The following CFAP100 variants were observed in gnomAD, a reference collection of about 807,000 sequenced individuals.
CFAP100 encodes the protein cilia and flagella associated protein 100, also known as cilia- and flagella-associated protein 100.
CFAP100 carries 70 observed loss-of-function variants against 81.5 expected under a neutral mutation model. That is an observed-to-expected ratio of 0.86 (90% CI 0.71 to 1.05). CFAP100 has a LOEUF of 1.05. Among genes scored for constraint, CFAP100 ranks in the 50% least tolerant of loss-of-function variants. CFAP100 has a pLI of 0.00. For synonymous variants in CFAP100, 341 were observed against 314.8 expected, an observed-to-expected ratio of 1.08 and a Z score of -0.88; for missense variants, 811 against 776.5, an observed-to-expected ratio of 1.04 and a Z score of -0.53.
chr3:126,423,430 C>T, intron 12 of CFAP100, 54 bp downstream of exon 12: 1 of 1,606,568 alleles, frequency 6.2e-7, no homozygotes, highest in Non-Finnish European at 8.5e-7. Context: ...TCTTTCCCTG[C>T]CCCCACCCCT....
chr3:126,433,255 G>T, intron 14 of CFAP100, 51 bp downstream of exon 14: 1 of 1,603,650 alleles, frequency 6.2e-7, no homozygotes, highest in South Asian at 1.1e-5. Context: ...AGGGACCCTT[G>T]GGCACCCACT....
chr3:126,417,020 G>T (rs1366284279), intron 5 of CFAP100, among the ~76,000 whole-genome samples: 1 of 152,226 alleles, frequency 6.6e-6, no homozygotes, highest in Non-Finnish European at 1.5e-5. Context: ...CAGGCTCCTG[G>T]ATAAGGGAGG....
In CFAP100 at chr3:126,416,490, A is replaced by G; in HGVS notation, c.400A>G (p.Lys134Glu). 1 of 1,598,652 alleles carries G rather than the reference A, an allele frequency of 6.3e-7. No individual in the cohort carries two copies. Among genetic ancestry groups the G allele is most frequent in the Non-Finnish European group, 8.5e-7 (1 of 1,171,812 alleles). The change falls in exon 5 of 17, where the codon AAG becomes GAG. Residue 134 changes from lysine to glutamate, a missense_variant. Transcript: ENST00000352312. The part of the protein sequence containing the change: ...QRAFRDYTTW[K>E]LTLTKEKNVE... ...CGCCTTCCGCGACTACACGACCTGG[A>G]AGCTCACCTTGACCAAAGGTGCGTC... is the stretch of plus-strand genomic sequence containing the variant.
chr3:126,419,659 ACT>A lies in CFAP100; in HGVS notation c.757_758del (p.Leu253GlufsTer7). 1.2e-6 allele frequency: 2 copies of A among 1,613,844 alleles called. No individual in the cohort carries two copies. The highest frequency in any genetic ancestry group is 1.7e-6 in the Non-Finnish European group (2 of 1,179,968). On this transcript the variant is annotated frameshift_variant, in exon 9 of 17. Transcript: ENST00000352312. LOFTEE classifies it high-confidence loss of function. ...TAGTGAGATCTCCAGATTTGAAGAC[ACT>A]CTGAAGCATTACAAGGTCTATAAGG... Reference protein sequence around the residue: ...IKSEISRFEDTLKHYKVYKDF... With the variant: ...IKSEISRFEDXLKHYKVYKDF...
At chr3:126,407,139 A>ACTG (rs138763056) in intron 2 of CFAP100, 33 bp from the exon 3 acceptor site, 304 of 1,528,756 alleles carry the variant, frequency 2.0e-4, no homozygotes, top group Middle Eastern at 1.2e-3. Flanking sequence ...CAGGGGAGTC[A>ACTG]CTGCTGCGGC....
chr3:126,407,385 G>T, intron 3 of CFAP100, 133 bp downstream of exon 3: 1 of 567,272 alleles, frequency 1.8e-6, no homozygotes. Flanking sequence ...ATTAGGAATT[G>T]GGTTGACTTG....
At chr3:126,434,797 G>A (rs1406213223) in intron 15 of CFAP100, among the ~76,000 whole-genome samples, 3 of 152,164 alleles carry the variant, frequency 2.0e-5, no homozygotes, top group Non-Finnish European at 4.4e-5. Flanking sequence ...TGGAGGCTGA[G>A]GGCAAGGGCA....
intron 14 of CFAP100, chr3:126,433,941 G>A: frequency 1.9e-6 from 1 of 524,866 alleles, no homozygotes; most frequent in Non-Finnish European, 3.4e-6. Context: ...AGAGGCAGCT[G>A]GGAGAGGGGC....
rs1186114860 is a variant in CFAP100, at chr3:126,435,662, G to T, written c.1722+10G>T. ...TGAGATCAAGAAGAAGGTAGGCAGG[G>T]TCGCCTTGGGGGGTCTCTGCTGGAG... is the stretch of plus-strand genomic sequence containing the variant. On this transcript the variant is annotated intron_variant, in intron 16 of 16. Transcript: ENST00000352312. The T allele has an allele frequency of 1.2e-6, 2 of 1,608,384 alleles. No individual in the cohort carries two copies. The highest frequency in any genetic ancestry group is 1.7e-5 in the Admixed American group (1 of 59,516).
At chr3:126,422,254 G>A (rs780763648) in intron 11 of CFAP100, among the ~76,000 whole-genome samples, 13 of 152,224 alleles carry the variant, frequency 8.5e-5, no homozygotes, top group Non-Finnish European at 1.3e-4. Flanking sequence ...GGCCAGCAGC[G>A]CCCTGCAGGC....
chr3:126,397,344 C>T (rs182229909), intron 2 of CFAP100, among the ~76,000 whole-genome samples: 2 of 152,306 alleles, frequency 1.3e-5, no homozygotes, highest in East Asian at 1.9e-4. Flanking sequence ...CACGCTCTCT[C>T]GTTCTTTTTT....
Position 126,418,533 on chromosome 3 carries a change from C to T in CFAP100, c.486+8C>T. On this transcript the variant is annotated splice_region_variant and intron_variant, in intron 6 of 16. Coordinates refer to ENST00000352312, the MANE Select transcript of CFAP100 (RefSeq NM_182628.3). Reference sequence around the variant, plus strand: ...CAAATGTTCCTCCTCCAGGTAGGTCCCGTGGCCCCCAGAGCGATGGATGCC... The same window carrying T: ...CAAATGTTCCTCCTCCAGGTAGGTCTCGTGGCCCCCAGAGCGATGGATGCC... 1.2e-6 allele frequency: 2 copies of T among 1,614,048 alleles called. 1 individual carries two copies. Among genetic ancestry groups the T allele is most frequent in the Non-Finnish European group, 1.7e-6 (2 of 1,179,994 alleles).
At position 126,395,992 on chromosome 3, in the gene CFAP100, T is replaced by A; in HGVS notation, c.-9T>A. The A allele has an allele frequency of 1.2e-6, 2 of 1,612,928 alleles. No individual in the cohort carries two copies. The highest frequency in any genetic ancestry group is 8.5e-7 in the Non-Finnish European group (1 of 1,178,908). On this transcript the variant is annotated 5_prime_UTR_variant, in exon 2 of 17. Coordinates refer to ENST00000352312, the MANE Select transcript of CFAP100 (RefSeq NM_182628.3). ...AAGCCTTGCATCAACCTCTTGGGCC[T>A]CAGCCAAGATGTCTGAGATACCGTC... is the stretch of plus-strand genomic sequence containing the variant.
At chr3:126,404,822 A>G (rs568801697) in intron 2 of CFAP100, among the ~76,000 whole-genome samples, 150 of 152,200 alleles carry the variant, frequency 9.9e-4, no homozygotes, top group African/African-American at 3.4e-3. Context: ...CTACAGGTGC[A>G]CACCACCACG....
At position 126,433,171 on chromosome 3, in the gene CFAP100, C is replaced by T; in HGVS notation, c.1389C>T (p.Val463=). 6.2e-7 allele frequency: 1 copy of T among 1,614,228 alleles called. No homozygotes were observed. The highest frequency in any genetic ancestry group is 8.5e-7 in the Non-Finnish European group (1 of 1,180,046). Residue 463 remains valine, a synonymous_variant, in exon 14 of 17, where the codon GTC becomes GTT. Transcript: ENST00000352312. Reference sequence around the variant, plus strand: ...CTGAGCTGGAGCTCAAAGCCCGAGTCTTCCACTTCGGCGAGTACAAGGGCG... The same window carrying T: ...CTGAGCTGGAGCTCAAAGCCCGAGTTTTCCACTTCGGCGAGTACAAGGGCG... ...TAAELELKAR[V]FHFGEYKGDQ...
At position 126,419,682 on chromosome 3, in the gene CFAP100, T is replaced by C. The variant is rs2083297099; in HGVS notation, c.777T>C (p.Tyr259=). The change falls in exon 9 of 17, where the codon TAT becomes TAC. Residue 259 remains tyrosine, a synonymous_variant. Coordinates refer to ENST00000352312, the MANE Select transcript of CFAP100 (RefSeq NM_182628.3). ...FEDTLKHYKV[Y]KDFLYKLSPK... is the part of the protein sequence containing the mutation. ...ACACTCTGAAGCATTACAAGGTCTA[T>C]AAGGATTTCCTATACAAGCTGTCGC... 1 of 1,614,010 alleles carries C rather than the reference T, an allele frequency of 6.2e-7. No individual in the cohort carries two copies. The highest frequency in any genetic ancestry group is 2.2e-5 in the East Asian group (1 of 44,890).
intron 2 of CFAP100, among the ~76,000 whole-genome samples, chr3:126,406,018 A>G (rs2083056847): frequency 6.6e-6 from 1 of 152,060 alleles, no homozygotes; most frequent in South Asian, 2.1e-4. Context: ...GTATCTTCTG[A>G]TTTATATGAT....
intron 2 of CFAP100, chr3:126,396,344 T>G: frequency 2.9e-6 from 1 of 343,062 alleles, no homozygotes; most frequent in Middle Eastern, 8.6e-4. Flanking sequence ...CGAGAACCCA[T>G]TCCGGGCCTC....
intron 14 of CFAP100, 113 bp downstream of exon 14, chr3:126,433,317 G>T (rs541960695): frequency 4.4e-5 from 57 of 1,300,964 alleles, no homozygotes; most frequent in Non-Finnish European, 5.6e-5. Flanking sequence ...CCGGGTGAGT[G>T]CCCTGCAGCT....
Sources: allele counts gnomAD v4.1 joint callset (sites outside exome capture counted in the v4.1 genomes callset), GRCh38; gene constraint gnomAD v4.1.1; transcripts MANE v1.5; gene names NCBI Gene and HGNC (gene_info 2026-07-23, HGNC 2026-07-21).